Variants in DSCAML1 observed in about 807,000 individuals in gnomAD.
DSCAML1 encodes the protein DS cell adhesion molecule like 1.
Under a neutral mutation model 200.5 loss-of-function variants are expected in DSCAML1, and 38 were observed. That is an observed-to-expected ratio of 0.19 (90% CI 0.15 to 0.25). DSCAML1 has a LOEUF of 0.25. Ranked by LOEUF, DSCAML1 falls within the 10% of genes least tolerant of loss-of-function variation. The pLI is 1.00. For synonymous variants in DSCAML1, 1,215 were observed against 1,165.0 expected, an observed-to-expected ratio of 1.04 and a Z score of -0.87; for missense variants, 2,223 against 2,858.8, an observed-to-expected ratio of 0.78 and a Z score of 5.07.
intron 3 of DSCAML1, among the ~76,000 whole-genome samples, chr11:117,690,715 A>G (rs986319330): frequency 1.3e-5 from 2 of 152,240 alleles, no homozygotes; most frequent in African/African-American, 4.8e-5. Flanking sequence ...TCTTGTGCGT[A>G]GGCCAGGCAG....
chr11:117,475,790 C>CTT (rs573523777), intron 14 of DSCAML1, among the ~76,000 whole-genome samples: 2 of 151,502 alleles, frequency 1.3e-5, no homozygotes, highest in African/African-American at 4.9e-5. Flanking sequence ...AGAACAACTC[C>CTT]TTTTTTTCTT....
intron 3 of DSCAML1, among the ~76,000 whole-genome samples, chr11:117,662,677 C>T (rs2052879894): frequency 6.6e-6 from 1 of 152,218 alleles, no homozygotes; most frequent in South Asian, 2.1e-4. Flanking sequence ...TACACAGGGA[C>T]ATTGGTTTTC....
chr11:117,635,850 T>C (rs2155130), intron 3 of DSCAML1, among the ~76,000 whole-genome samples: 18,100 of 152,000 alleles, frequency 0.12, 2,509 homozygotes, highest in African/African-American at 0.33. Context: ...CAAAATCAGG[T>C]TACAATCGTG....
intron 3 of DSCAML1, among the ~76,000 whole-genome samples, chr11:117,558,576 G>C (rs1013687148): frequency 6.6e-6 from 1 of 152,200 alleles, no homozygotes; most frequent in Non-Finnish European, 1.5e-5. Context: ...CACCAGCCTG[G>C]GCAACATGGA....
intron 3 of DSCAML1, among the ~76,000 whole-genome samples, chr11:117,765,126 T>C (rs1361730495): frequency 6.6e-6 from 1 of 152,188 alleles, no homozygotes; most frequent in Admixed American, 6.5e-5. Context: ...AGTCACTAAG[T>C]GTGAGAGGAA....
chr11:117,477,372 GTGTGTGTGTGTGTGTGTGTA>G (rs1202854103), intron 14 of DSCAML1, among the ~76,000 whole-genome samples: 109 of 147,310 alleles, frequency 7.4e-4, no homozygotes, highest in African/African-American at 2.7e-3. Flanking sequence ...GTGTGTGTGT[GTGTGTGTGTGTGTGTGTGTA>G]TGTGTGTGTG....
intron 3 of DSCAML1, among the ~76,000 whole-genome samples, chr11:117,598,793 C>A (rs1485277125): frequency 6.6e-6 from 1 of 152,144 alleles, no homozygotes; most frequent in African/African-American, 2.4e-5. Context: ...TTGTCATGAT[C>A]TCAAAATCAG....
intron 3 of DSCAML1, among the ~76,000 whole-genome samples, chr11:117,713,332 T>C (rs537249133): frequency 3.6e-4 from 55 of 152,168 alleles, no homozygotes; most frequent in Non-Finnish European, 7.2e-4. Flanking sequence ...GCCAGGCTGG[T>C]CTTGAATGCT....
chr11:117,600,211 G>C (rs901492896), intron 3 of DSCAML1, among the ~76,000 whole-genome samples: 1 of 152,190 alleles, frequency 6.6e-6, no homozygotes, highest in African/African-American at 2.4e-5. Context: ...CGTTGCCGGC[G>C]GGAGTTCCTG....
At chr11:117,476,328 G>T (rs918034967) in intron 14 of DSCAML1, among the ~76,000 whole-genome samples, 3 of 152,150 alleles carry the variant, frequency 2.0e-5, no homozygotes, top group Admixed American at 2.0e-4. Flanking sequence ...AGCTGCCTGG[G>T]CTCAGGAAGC....
upstream of DSCAML1, chr11:117,797,226 G>GCTC (rs2055601447): frequency 6.8e-7 from 1 of 1,480,554 alleles, no homozygotes; most frequent in East Asian, 3.0e-5. Flanking sequence ...TGCGGCGGCG[G>GCTC]CTCCTCCCTC....
chr11:117,693,673 T>A (rs772073317), intron 3 of DSCAML1, among the ~76,000 whole-genome samples: 11 of 152,118 alleles, frequency 7.2e-5, no homozygotes, highest in African/African-American at 9.7e-5. Flanking sequence ...AGCTGCATTT[T>A]AAAAAAAGAA....
chr11:117,604,478 C>A (rs965773577), intron 3 of DSCAML1, among the ~76,000 whole-genome samples: 2 of 152,122 alleles, frequency 1.3e-5, no homozygotes, highest in Admixed American at 1.3e-4. Flanking sequence ...CAACAGAGGC[C>A]CCACCTTGGT....
intron 3 of DSCAML1, among the ~76,000 whole-genome samples, chr11:117,718,001 T>C (rs1286990437): frequency 6.6e-6 from 1 of 152,134 alleles, no homozygotes; most frequent in Non-Finnish European, 1.5e-5. Context: ...GGTGAGGCGG[T>C]GTGTCAACAA....
chr11:117,478,747 C>T (rs1184719288), intron 14 of DSCAML1, among the ~76,000 whole-genome samples: 1 of 152,230 alleles, frequency 6.6e-6, no homozygotes, highest in Admixed American at 6.5e-5. Context: ...GCATTGCACC[C>T]TCACTTGGTC....
intron 3 of DSCAML1, among the ~76,000 whole-genome samples, chr11:117,759,291 G>A (rs1215594133): frequency 6.6e-6 from 1 of 152,204 alleles, no homozygotes; most frequent in Admixed American, 6.5e-5. Context: ...GGGTGTGTAA[G>A]AGGGAGGGGG....
chr11:117,748,492 G>A (rs7129225), intron 3 of DSCAML1, among the ~76,000 whole-genome samples: 2,739 of 152,280 alleles, frequency 0.018, 74 homozygotes, highest in African/African-American at 0.062. Flanking sequence ...ACACAGCCCA[G>A]TTCCCTCAGC....
intron 3 of DSCAML1, among the ~76,000 whole-genome samples, chr11:117,710,606 C>T (rs749913194): frequency 4.9e-4 from 74 of 152,198 alleles, no homozygotes; most frequent in African/African-American, 1.2e-3. Context: ...GTGACTTAAC[C>T]GCCCCGTGAC....
intron 17 of DSCAML1, 70 bp downstream of exon 17, chr11:117,464,872 C>T (rs1341399013): frequency 1.3e-6 from 2 of 1,573,856 alleles, no homozygotes; most frequent in East Asian, 2.3e-5. Context: ...GACCCACAAA[C>T]CCTCTCTGGC....
Sources: allele counts gnomAD v4.1 joint callset (sites outside exome capture counted in the v4.1 genomes callset), GRCh38; gene constraint gnomAD v4.1.1; transcripts MANE v1.5; gene names NCBI Gene and HGNC (gene_info 2026-07-23, HGNC 2026-07-21).